UBR2: variants seen among roughly 807,000 people sequenced by gnomAD.
UBR2 encodes the protein E3 ubiquitin-protein ligase UBR2.
Under a neutral mutation model 247.9 loss-of-function variants are expected in UBR2, and 92 were observed. The ratio of observed to expected loss-of-function variants is 0.37; its 90% CI spans 0.31 to 0.44. UBR2 has a LOEUF of 0.44. UBR2 is among the 20% of genes least tolerant of loss of function. UBR2 has a pLI of 1.00. For missense variants in UBR2, 1,613 were observed against 2,112.6 expected (o/e 0.76, Z 4.64); for synonymous variants, 672 against 693.5 (o/e 0.97, Z 0.49).
intron 8 of UBR2, among the ~76,000 whole-genome samples, chr6:42,614,258 A>G (rs1366063339): frequency 2.1e-5 from 3 of 145,492 alleles, no homozygotes; most frequent in African/African-American, 7.6e-5. Flanking sequence ...GCGCACATAT[A>G]TATACACACA....
intron 2 of UBR2, 29 bp downstream of exon 2, chr6:42,574,022 G>A (rs1791338498): frequency 1.3e-6 from 2 of 1,516,922 alleles, no homozygotes; most frequent in Non-Finnish European, 1.8e-6. Flanking sequence ...CTTTCTAGGA[G>A]GCTCTTGTTT....
intron 21 of UBR2, among the ~76,000 whole-genome samples, chr6:42,646,818 T>TAGAG (rs1326793003): frequency 2.7e-5 from 4 of 148,896 alleles, no homozygotes; most frequent in Middle Eastern, 3.5e-3. Flanking sequence ...TATATATATA[T>TAGAG]ATAGAGAGAG....
Position 42,631,889 on chromosome 6 carries a change from T to TAA in UBR2, c.1282-661_1282-660dup, listed in dbSNP as rs1310740130. ...ATATATATATATATATATATATATA[T>TAA]AAATACAGGTTCTGTAATTATATAT... On this transcript the variant is annotated intron_variant, in intron 11 of 46. Transcript: ENST00000372901. Among the ~76,000 whole-genome samples the TAA allele has an allele frequency of 3.4e-3, 452 of 134,790 alleles. 17 individuals are homozygous for TAA. Among genetic ancestry groups the TAA allele is most frequent in the Non-Finnish European group, 2.7e-3 (170 of 63,258 alleles). The allele number at this position is 134,790 out of a possible 152,430, so 88.4% of individuals were successfully genotyped here. A position where few individuals can be genotyped will look rare whatever the true frequency, so the allele number is the denominator to read the frequency against.
In UBR2 at chr6:42,617,453, C is replaced by G; in HGVS notation, c.1227C>G (p.Asp409Glu). ...GTGATTATGTGACAGATGACCACGA[C>G]AGAGAGTTTTCAGTCGCAGACCTCT... ...LQSDYVTDDH[D>E]REFSVADLSV... The change falls in exon 11 of 47, where the codon GAC becomes GAG. Residue 409 changes from aspartate (D) to glutamate (E), a missense_variant. Physicochemically the swap from Asp to Glu is conservative, Grantham distance 45. This residue lies in a region of UBR2 where 1,524 missense variants were observed against 1,967.3 expected (regional missense o/e 0.77). Transcript: ENST00000372901. The G allele has an allele frequency of 6.4e-7, 1 of 1,564,972 alleles. No individual in the cohort carries two copies. The highest frequency in any genetic ancestry group is 8.7e-7 in the Non-Finnish European group (1 of 1,154,140).
At chr6:42,648,518 T>C (rs983492066) in intron 22 of UBR2, among the ~76,000 whole-genome samples, 4 of 152,234 alleles carry the variant, frequency 2.6e-5, no homozygotes, top group Non-Finnish European at 5.9e-5. Flanking sequence ...GCTGCCTAAA[T>C]TGTGGGATAG....
At chr6:42,594,985 A>C (rs1318642881) in intron 4 of UBR2, among the ~76,000 whole-genome samples, 4 of 152,206 alleles carry the variant, frequency 2.6e-5, no homozygotes, top group Non-Finnish European at 5.9e-5. Context: ...GGTATGCTAC[A>C]ATAGATTATG....
intron 15 of UBR2, 84 bp from the exon 16 acceptor site, chr6:42,640,125 T>G (rs374466807): frequency 9.2e-7 from 1 of 1,088,310 alleles, no homozygotes; most frequent in East Asian, 2.4e-5. Context: ...AAGTTAGATA[T>G]AAAGTTGAGT....
intron 4 of UBR2, among the ~76,000 whole-genome samples, chr6:42,598,755 T>A (rs928405770): frequency 6.6e-6 from 1 of 152,196 alleles, no homozygotes; most frequent in African/African-American, 2.4e-5. Context: ...TTTCCTTTTG[T>A]TGAGACTTTT....
intron 3 of UBR2, among the ~76,000 whole-genome samples, chr6:42,592,969 TC>T (rs557035884): frequency 4.4e-4 from 67 of 152,120 alleles, no homozygotes; most frequent in Admixed American, 1.8e-3. Context: ...GGTCAGGAGA[TC>T]AACACCATCC....
intron 41 of UBR2, among the ~76,000 whole-genome samples, chr6:42,679,009 T>C (rs1197836826): frequency 6.6e-6 from 1 of 152,256 alleles, no homozygotes; most frequent in East Asian, 1.9e-4. Flanking sequence ...AAACTGACAA[T>C]TTCAAGTGAT....
At position 42,678,649 on chromosome 6, in the gene UBR2, C is replaced by G. The variant is rs1423466713; in HGVS notation, c.4589C>G (p.Pro1530Arg). The G allele has an allele frequency of 6.2e-7, 1 of 1,611,396 alleles. No individual in the cohort carries two copies. ...ALFFHYLNGV[P>R]SPPDIQVPGT... is the part of the protein sequence containing the mutation. The stretch of plus-strand genomic sequence containing the variant: ...TTTTTTCATTACTTAAATGGAGTTC[C>G]TTCCCCACCCGACATTCAAGGTAAT... Residue 1530 changes from proline to arginine, a missense_variant, in exon 41 of 47, where the codon CCT becomes CGT. Coordinates refer to ENST00000372901, the MANE Select transcript of UBR2 (RefSeq NM_001363705.2).
chr6:42,660,553 C>A (rs925361102), intron 30 of UBR2, among the ~76,000 whole-genome samples: 1 of 152,144 alleles, frequency 6.6e-6, no homozygotes, highest in Non-Finnish European at 1.5e-5. Context: ...TAACCAGTGC[C>A]TTTCACACTG....
In UBR2 at chr6:42,673,761, T is replaced by C. The variant is rs775411646; in HGVS notation, c.4087-30T>C. The C allele has an allele frequency of 1.1e-5, 17 of 1,576,140 alleles. No homozygotes were observed. The African/African-American group carries it at 1.8e-4, about 16-fold the overall frequency. The stretch of plus-strand genomic sequence containing the variant: ...GAAAGAGAACTGCTTTGCATTTTTG[T>C]TTTTTGTTAATTGCGTTGGTTTATT... On this transcript the variant is annotated intron_variant, in intron 36 of 46. Coordinates refer to ENST00000372901, the MANE Select transcript of UBR2 (RefSeq NM_001363705.2).
At chr6:42,575,592 A>G (rs953625903) in intron 2 of UBR2, among the ~76,000 whole-genome samples, 3 of 152,110 alleles carry the variant, frequency 2.0e-5, no homozygotes, top group Non-Finnish European at 4.4e-5. Context: ...AAGATTACAG[A>G]CCAGTTATTT....
At chr6:42,651,268 G>A (rs915926008) in intron 23 of UBR2, among the ~76,000 whole-genome samples, 1 of 151,508 alleles carries the variant, frequency 6.6e-6, no homozygotes, top group East Asian at 1.9e-4. Context: ...CTCTTAAAAT[G>A]GTTTTTCAAT....
intron 2 of UBR2, among the ~76,000 whole-genome samples, chr6:42,583,437 G>A (rs1792041257): frequency 6.6e-6 from 1 of 151,744 alleles, no homozygotes; most frequent in Admixed American, 6.6e-5. Flanking sequence ...AGTAGAGGTG[G>A]GGTTTCCCCA....
chr6:42,596,344 TAAC>T (rs1376497144), intron 4 of UBR2, among the ~76,000 whole-genome samples: 1 of 151,754 alleles, frequency 6.6e-6, no homozygotes, highest in Non-Finnish European at 1.5e-5. Flanking sequence ...ATTAAAGTAA[TAAC>T]AAGTATTGAC....
intron 4 of UBR2, among the ~76,000 whole-genome samples, chr6:42,597,867 G>A (rs1384381674): frequency 6.6e-6 from 1 of 151,886 alleles, no homozygotes; most frequent in Non-Finnish European, 1.5e-5. Flanking sequence ...GGTGAGCCAA[G>A]ATTGCGCCAT....
At chr6:42,612,384 A>AT (rs1794146069) in intron 8 of UBR2, 93 bp downstream of exon 8, 1 of 1,267,768 alleles carries the variant, frequency 7.9e-7, no homozygotes, top group Non-Finnish European at 1.0e-6. Context: ...AACTGGAATA[A>AT]TTTCCTGCTT....
Sources: gnomAD v4.1 joint callset for allele counts (sites outside exome capture counted in the v4.1 genomes callset) on GRCh38, gnomAD v4.1.1 for gene constraint, gnomAD v4.1.1 regional missense constraint, MANE v1.5 for transcripts, NCBI Gene and HGNC (gene_info 2026-07-23, HGNC 2026-07-21) for gene names.